The following ENTPD6 variants were observed in gnomAD, a reference collection of about 807,000 sequenced individuals.
The protein encoded by ENTPD6 is ectonucleoside triphosphate diphosphohydrolase 6, also known as CD39 antigen-like 2.
A neutral mutation model predicts 61.5 loss-of-function variants in ENTPD6; 46 were observed. The observed-to-expected ratio is 0.75, with a 90% CI of 0.59 to 0.96. The LOEUF (loss-of-function observed/expected upper bound fraction) is 0.96. Ranked by LOEUF, ENTPD6 falls within the 40% of genes least tolerant of loss-of-function variation. The pLI is 0.00. For synonymous variants in ENTPD6, 252 were observed against 255.5 expected, an observed-to-expected ratio of 0.99 and a Z score of 0.13; for missense variants, 612 against 629.0, an observed-to-expected ratio of 0.97 and a Z score of 0.29.
At chr20:25,198,484 A>T (rs1056779732) in intron 1 of ENTPD6, among the ~76,000 whole-genome samples, 1 of 152,038 alleles carries the variant, frequency 6.6e-6, no homozygotes, top group African/African-American at 2.4e-5. Context: ...TCTGTCTCAA[A>T]AAAAAAAAAG....
chr20:25,204,880 C>G (rs1479950089), intron 1 of ENTPD6, among the ~76,000 whole-genome samples: 1 of 152,124 alleles, frequency 6.6e-6, no homozygotes, highest in African/African-American at 2.4e-5. Context: ...TGGGCATTCT[C>G]TTGGTTGCTG....
At chr20:25,205,324 T>G (rs541304126) in intron 1 of ENTPD6, among the ~76,000 whole-genome samples, 1 of 152,168 alleles carries the variant, frequency 6.6e-6, no homozygotes, top group African/African-American at 2.4e-5. Context: ...GGCAGTGACA[T>G]TTCAGTGGAG....
chr20:25,196,508 G>A (rs2090433877), intron 1 of ENTPD6, among the ~76,000 whole-genome samples: 1 of 152,210 alleles, frequency 6.6e-6, no homozygotes, highest in African/African-American at 2.4e-5. Flanking sequence ...AGCGTGGAAG[G>A]GAGGGTGTTT....
chr20:25,218,406 C>T, intron 9 of ENTPD6, 144 bp from the exon 10 acceptor site: 3 of 705,124 alleles, frequency 4.3e-6, no homozygotes, highest in Non-Finnish European at 7.4e-6. Context: ...TCTACAGAAA[C>T]AGGCTTTTAG....
intron 4 of ENTPD6, among the ~76,000 whole-genome samples, chr20:25,211,949 T>C (rs1365106798): frequency 6.6e-6 from 1 of 152,024 alleles, no homozygotes; most frequent in East Asian, 1.9e-4. Flanking sequence ...ACCGGGACCA[T>C]AGATGCACAC....
Position 25,216,709 on chromosome 20 carries a change from T to A in ENTPD6, c.771T>A (p.Thr257=), listed in dbSNP as rs990170018. ...TGCTGGACTTGGGCGGAGGATCCAC[T>A]CAGATCGCCTTCCTGCCACGCGTGG... ...VGMLDLGGGS[T]QIAFLPRVEG... Residue 257 remains threonine (T), a synonymous_variant, in exon 8 of 15, where the codon ACT becomes ACA. Coordinates refer to ENST00000376652, the MANE Select transcript of ENTPD6 (RefSeq NM_001247.5). 7 of 1,605,280 alleles carry A rather than the reference T, an allele frequency of 4.4e-6. No individual in the cohort carries two copies. The highest frequency in any genetic ancestry group is 6.0e-6 in the Non-Finnish European group (7 of 1,176,420).
rs545168029 is a variant in ENTPD6, at chr20:25,225,099, G to A, written c.1244-106G>A. The A allele has an allele frequency of 2.7e-6, 4 of 1,490,162 alleles. No individual in the cohort carries two copies. The East Asian group carries it at 7.4e-5, about 28-fold the overall frequency. 92.3% of individuals were successfully genotyped at this position (1,490,162 alleles called of 1,614,324 possible). A position where few individuals can be genotyped will look rare whatever the true frequency, so the allele number is the denominator to read the frequency against. On this transcript the variant is annotated intron_variant, in intron 13 of 14. Coordinates refer to ENST00000376652, the MANE Select transcript of ENTPD6 (RefSeq NM_001247.5). ...GCGGCCTTGTCTGTGAATCCGGAGT[G>A]CGGAGCCAGCGGGTGCCTGTAGTGG... is the stretch of plus-strand genomic sequence containing the variant.
chr20:25,225,336 C>A lies in ENTPD6; in HGVS notation c.1356+19C>A. 6.2e-7 allele frequency: 1 copy of A among 1,612,088 alleles called. No individual in the cohort carries two copies. On this transcript the variant is annotated intron_variant, in intron 14 of 14. Transcript: ENST00000376652. ...GCTGAAGGTAAGGGTGCCCTCAGGT[C>A]ACGCCCCAGCCCCTTTATGGAGTGA... is the stretch of plus-strand genomic sequence containing the variant.
Position 25,224,168 on chromosome 20 carries a change from C to T in ENTPD6, c.1243+11C>T. 1 of 1,610,306 alleles carries T rather than the reference C, an allele frequency of 6.2e-7. No homozygotes were observed. Among genetic ancestry groups the T allele is most frequent in the African/African-American group, 1.3e-5 (1 of 74,982 alleles). On this transcript the variant is annotated intron_variant, in intron 13 of 14. Transcript: ENST00000376652. Reference sequence around the variant, plus strand: ...TCGCAGCCAAGTACGGTGAGTGATGCTGCAGGGGCCATCTCAGCAGGGGCA... The same window carrying T: ...TCGCAGCCAAGTACGGTGAGTGATGTTGCAGGGGCCATCTCAGCAGGGGCA...
chr20:25,205,493 G>A (rs1172671776), intron 1 of ENTPD6, among the ~76,000 whole-genome samples: 4 of 152,236 alleles, frequency 2.6e-5, no homozygotes, highest in South Asian at 2.1e-4. Context: ...AGAGGAGTGC[G>A]ATGAAGCCAC....
chr20:25,214,903 G>C lies in ENTPD6; in HGVS notation c.634G>C (p.Gly212Arg), dbSNP rs777532386. The change falls in exon 6 of 15, where the codon GGG becomes CGG. Residue 212 changes from glycine (G) to arginine (R), a missense_variant. Transcript: ENST00000376652. ...ATTTAAAGCATCGCCTTTCCTTGTA[G>C]GGGATGACTGTGTTTCCATCATGAA... is the stretch of plus-strand genomic sequence containing the variant. Reference protein sequence around the residue: ...KVFKASPFLVGDDCVSIMNGT... With the variant: ...KVFKASPFLVRDDCVSIMNGT... The C allele has an allele frequency of 1.9e-6, 3 of 1,607,826 alleles. No homozygotes were observed. Among genetic ancestry groups the C allele is most frequent in the Non-Finnish European group, 2.6e-6 (3 of 1,174,426 alleles).
At chr20:25,209,772 G>A (rs2091821722) in intron 3 of ENTPD6, 77 bp from the exon 4 acceptor site, 7 of 1,258,180 alleles carry the variant, frequency 5.6e-6, no homozygotes, top group African/African-American at 2.9e-5. Flanking sequence ...TCTTTAAAAA[G>A]TGTGGCTAGT....
At position 25,210,167 on chromosome 20, in the gene ENTPD6, C is replaced by T. The variant is rs138580978; in HGVS notation, c.453+242C>T. 4.8e-3 allele frequency among the ~76,000 whole-genome samples: 730 copies of T among 152,368 alleles called. 7 individuals are homozygous for T. Among genetic ancestry groups the T allele is most frequent in the African/African-American group, 0.016 (681 of 41,584 alleles). ...ACCGTGCCAGCGCTCACTTCTCCAACGTGGGGGTCCCGAGGTCTTGGTACA... is the reference window on the plus strand; with the variant it reads ...ACCGTGCCAGCGCTCACTTCTCCAATGTGGGGGTCCCGAGGTCTTGGTACA... On this transcript the variant is annotated intron_variant, in intron 4 of 14. Transcript: ENST00000376652.
chr20:25,220,645 T>G (rs2092598129), intron 10 of ENTPD6, among the ~76,000 whole-genome samples: 1 of 152,244 alleles, frequency 6.6e-6, no homozygotes, highest in Non-Finnish European at 1.5e-5. Flanking sequence ...AAGGCTACCC[T>G]GATGCCACCA....
At chr20:25,221,788 G>T in intron 11 of ENTPD6, 1 of 260,144 alleles carries the variant, frequency 3.8e-6, no homozygotes, top group African/African-American at 2.2e-5. Context: ...TCTTCTGAGA[G>T]AAATGTTCAA....
intron 6 of ENTPD6, 24 bp downstream of exon 6, chr20:25,214,966 T>A (rs1311558412): frequency 6.6e-7 from 1 of 1,516,348 alleles, no homozygotes; most frequent in Non-Finnish European, 9.2e-7. Context: ...AGCACCTCTG[T>A]ACAGTGGGGC....
At chr20:25,197,014 C>T (rs1465241474) in intron 1 of ENTPD6, 7 of 892,644 alleles carry the variant, frequency 7.8e-6, no homozygotes, top group Non-Finnish European at 9.4e-6. Context: ...GGGCGGTTCA[C>T]GCACCGGTTT....
At chr20:25,218,844 C>T (rs2092492816) in intron 10 of ENTPD6, among the ~76,000 whole-genome samples, 1 of 152,196 alleles carries the variant, frequency 6.6e-6, no homozygotes, top group Admixed American at 6.5e-5. Flanking sequence ...GGGCAGGAAC[C>T]CAGGGTGGTG....
chr20:25,207,229 G>A lies in ENTPD6; in HGVS notation c.208G>A (p.Ala70Thr), dbSNP rs766990810. The change falls in exon 3 of 15, where the codon GCC (alanine) becomes ACC (threonine). Residue 70 changes from alanine to threonine, a missense_variant. Transcript: ENST00000376652. Reference sequence around the variant, plus strand: ...GTGGCACCGGGCCACCGCCACCCAGGCCTTCTTCAGCATCACCAGGGCAGC... The same window carrying A: ...GTGGCACCGGGCCACCGCCACCCAGACCTTCTTCAGCATCACCAGGGCAGC... ...IKWHRATATQAFFSITRAAPG... is the reference protein window; with the variant it reads ...IKWHRATATQTFFSITRAAPG... The A allele has an allele frequency of 6.2e-7, 1 of 1,614,064 alleles. No individual in the cohort carries two copies. The highest frequency in any genetic ancestry group is 1.3e-5 in the African/African-American group (1 of 75,042).
Sources: gnomAD v4.1 joint callset for allele counts (sites outside exome capture counted in the v4.1 genomes callset) on GRCh38, gnomAD v4.1.1 for gene constraint, MANE v1.5 for transcripts, NCBI Gene and HGNC (gene_info 2026-07-23, HGNC 2026-07-21) for gene names.